DMD: variants seen among roughly 807,000 people sequenced by gnomAD.
DMD encodes the protein dystrophin.
DMD carries 63 observed loss-of-function variants against 330.1 expected under a neutral mutation model. The observed-to-expected ratio is 0.19, with a 90% confidence interval of 0.16 to 0.24. The LOEUF (loss-of-function observed/expected upper bound fraction) is 0.24, where lower values mean the gene tolerates loss of function less well. Ranked by LOEUF, DMD falls within the 10% of genes least tolerant of loss-of-function variation. The probability of loss-of-function intolerance (pLI) is 1.00; values close to 1 mark genes in which losing one functional copy is unlikely to be tolerated. For missense variants in DMD, 3,344 were observed against 2,684.1 expected (o/e 1.25, Z -5.43); for synonymous variants, 1,223 against 959.8 (o/e 1.27, Z -5.07).
intron 4 of DMD, among the ~76,000 whole-genome samples, chrX:32,841,775 G>C (rs904299977): frequency 3.6e-5 from 4 of 111,633 alleles, no homozygotes; most frequent in African/African-American, 9.8e-5. Context: ...TATCATAATG[G>C]CTTTGGGTAG....
At chrX:32,086,551 G>A (rs944843959) in intron 44 of DMD, among the ~76,000 whole-genome samples, 1 of 111,151 alleles carries the variant, frequency 9.0e-6, no homozygotes, top group African/African-American at 3.3e-5. Flanking sequence ...TGGGTGGGGG[G>A]GAAGAAGCAC....
chrX:31,708,459 T>C (rs2084362900), intron 52 of DMD, among the ~76,000 whole-genome samples: 1 of 112,173 alleles, frequency 8.9e-6, no homozygotes, highest in African/African-American at 3.2e-5. Context: ...GAGTGATAAC[T>C]GCAAACCACT....
At chrX:32,559,699 A>G (rs2050770368) in intron 16 of DMD, among the ~76,000 whole-genome samples, 1 of 111,966 alleles carries the variant, frequency 8.9e-6, no homozygotes, top group African/African-American at 3.2e-5. Flanking sequence ...AGAAATTTTC[A>G]TCTTGGTACA....
chrX:31,466,431 C>T (rs760600264), intron 59 of DMD, among the ~76,000 whole-genome samples: 1 of 112,144 alleles, frequency 8.9e-6, no homozygotes, highest in East Asian at 2.8e-4. Context: ...GGAATCCTTT[C>T]TCCATTGCTT....
chrX:33,296,741 A>C lies in DMD; in HGVS notation c.7+42518T>G, dbSNP rs189311434. Among the ~76,000 whole-genome samples, 368 of 111,047 alleles carry C rather than the reference A, an allele frequency of 3.3e-3. 2 individuals are homozygous for C. The highest frequency in any genetic ancestry group is 5.1e-3 in the Non-Finnish European group (267 of 52,657). Reference sequence around the variant, plus strand: ...CAGAAATATCCCATTATTTGGTTTTATATAACATATACATAGCCCATATGT... The same window carrying C: ...CAGAAATATCCCATTATTTGGTTTTCTATAACATATACATAGCCCATATGT... On this transcript the variant is annotated intron_variant, in intron 1 of 17. Coordinates refer to the DMD transcript ENST00000288447.
At chrX:31,664,041 A>G (rs2148651593) in intron 53 of DMD, among the ~76,000 whole-genome samples, 1 of 111,672 alleles carries the variant, frequency 9.0e-6, no homozygotes, top group Non-Finnish European at 1.9e-5. Flanking sequence ...AATTCTTCCT[A>G]CGAAAGACAG....
intron 2 of DMD, among the ~76,000 whole-genome samples, chrX:32,973,001 A>G (rs2092436413): frequency 8.9e-6 from 1 of 111,920 alleles, no homozygotes; most frequent in African/African-American, 3.2e-5. Context: ...TAGGATTTTC[A>G]CCATTAGATA....
chrX:32,407,602 A>C (rs2098123533), intron 30 of DMD, among the ~76,000 whole-genome samples: 1 of 110,752 alleles, frequency 9.0e-6, no homozygotes, highest in Admixed American at 9.6e-5. Flanking sequence ...ATACCATTTG[A>C]CCCAGCCATC....
intron 52 of DMD, among the ~76,000 whole-genome samples, chrX:31,682,499 G>T (rs1257374297): frequency 3.6e-5 from 4 of 111,894 alleles, no homozygotes; most frequent in Non-Finnish European, 5.6e-5. Context: ...GCTCTTATAA[G>T]AAAGCTGTAT....
chrX:31,937,849 C>A (rs2094943514), intron 45 of DMD, among the ~76,000 whole-genome samples: 2 of 111,925 alleles, frequency 1.8e-5, no homozygotes, highest in South Asian at 7.3e-4. Context: ...TTTAACATTA[C>A]CCATCTGCAA....
chrX:31,710,426 G>A (rs1429001598), intron 52 of DMD, among the ~76,000 whole-genome samples: 1 of 110,916 alleles, frequency 9.0e-6, no homozygotes, highest in African/African-American at 3.3e-5. Flanking sequence ...TGAATTGTCT[G>A]TTTCTCTGTT....
At chrX:32,971,456 A>T (rs944053845) in intron 2 of DMD, among the ~76,000 whole-genome samples, 1 of 108,751 alleles carries the variant, frequency 9.2e-6, no homozygotes, top group African/African-American at 3.5e-5. Context: ...AATTTCAGGG[A>T]AAAAAACCCT....
At chrX:32,189,890 T>TA in intron 44 of DMD, among the ~76,000 whole-genome samples, 1 of 111,263 alleles carries the variant, frequency 9.0e-6, no homozygotes, top group Non-Finnish European at 1.9e-5. Context: ...TTACATTTTT[T>TA]TTATTATACT....
At chrX:33,196,018 G>C (rs374640021) in intron 1 of DMD, among the ~76,000 whole-genome samples, 99 of 111,399 alleles carry the variant, frequency 8.9e-4, no homozygotes, top group Non-Finnish European at 1.5e-3. Flanking sequence ...GGATATAATT[G>C]CTTGTCTAGA....
chrX:32,177,884 G>C (rs184339116), intron 44 of DMD, among the ~76,000 whole-genome samples: 6 of 111,070 alleles, frequency 5.4e-5, no homozygotes, highest in Middle Eastern at 4.6e-3. Flanking sequence ...ATGTTGATGA[G>C]AGCCAGATTA....
chrX:32,353,876 T>C (rs1239152671), intron 37 of DMD, among the ~76,000 whole-genome samples: 2 of 111,167 alleles, frequency 1.8e-5, no homozygotes, highest in East Asian at 5.6e-4. Context: ...TAACAACTAT[T>C]AATTGTGCTT....
intron 52 of DMD, among the ~76,000 whole-genome samples, chrX:31,719,034 C>T (rs1336108101): frequency 8.9e-6 from 1 of 111,759 alleles, no homozygotes; most frequent in Non-Finnish European, 1.9e-5. Flanking sequence ...TACTATATTA[C>T]TAAAGAAATA....
At chrX:32,618,504 C>G (rs1185895597) in intron 11 of DMD, among the ~76,000 whole-genome samples, 1 of 110,507 alleles carries the variant, frequency 9.0e-6, no homozygotes, top group Non-Finnish European at 1.9e-5. Context: ...GACATGGGGC[C>G]TATTGGAGTT....
intron 1 of DMD, among the ~76,000 whole-genome samples, chrX:33,132,715 C>T (rs949780515): frequency 1.8e-5 from 2 of 112,638 alleles, no homozygotes; most frequent in African/African-American, 6.5e-5. Flanking sequence ...ACAATCAACA[C>T]TCAGGCTCCG....
Sources: allele counts gnomAD v4.1 joint callset (sites outside exome capture counted in the v4.1 genomes callset), GRCh38; gene constraint gnomAD v4.1.1; transcripts MANE v1.5; gene names NCBI Gene and HGNC (gene_info 2026-07-23, HGNC 2026-07-21).